The following ATF1 variants were observed in gnomAD, a reference collection of about 807,000 sequenced individuals.
The protein encoded by ATF1 is cyclic AMP-dependent transcription factor ATF-1.
ATF1 carries 16 observed loss-of-function variants against 34.7 expected under a neutral mutation model. The observed-to-expected ratio is 0.46, with a 90% CI of 0.31 to 0.70. ATF1 has a LOEUF of 0.70. Among genes scored for constraint, ATF1 ranks in the 30% least tolerant of loss-of-function variants. The pLI, the probability that ATF1 is intolerant of heterozygous loss-of-function variation, is 0.05. For missense variants in ATF1, 255 were observed against 321.6 expected (o/e 0.79, Z 1.58); for synonymous variants, 105 against 113.1 (o/e 0.93, Z 0.46).
In ATF1 at chr12:50,809,502, G is replaced by A. The variant is rs1309612181; in HGVS notation, c.241G>A (p.Gly81Arg). 2 of 1,613,584 alleles carry A rather than the reference G, an allele frequency of 1.2e-6. No individual in the cohort carries two copies. Among genetic ancestry groups the A allele is most frequent in the Non-Finnish European group, 1.7e-6 (2 of 1,179,678 alleles). ...TTCTGAAGATACACGGGGCAGAAAA[G>A]GAGACGGAGAAAATTCTGGAGTTTC... ...LSSEDTRGRK[G>R]DGENSGVSAA... The change falls in exon 4 of 7, where the codon GGA (glycine) becomes AGA (arginine). Residue 81 changes from glycine to arginine, a missense_variant. Coordinates refer to ENST00000262053, the MANE Select transcript of ATF1 (RefSeq NM_005171.5).
At chr12:50,803,137 C>T (rs1159827377) in intron 3 of ATF1, among the ~76,000 whole-genome samples, 13 of 151,356 alleles carry the variant, frequency 8.6e-5, no homozygotes, top group Non-Finnish European at 1.5e-4. Context: ...GGCATGGTGG[C>T]GGGCACTTGT....
chr12:50,793,539 A>G (rs1287390731), intron 2 of ATF1, among the ~76,000 whole-genome samples: 1 of 151,892 alleles, frequency 6.6e-6, no homozygotes, highest in Non-Finnish European at 1.5e-5. Context: ...AGGCTGAGGC[A>G]GGAGAATCGC....
chr12:50,806,346 T>C, intron 3 of ATF1: 2 of 494,372 alleles, frequency 4.0e-6, no homozygotes, highest in Non-Finnish European at 8.3e-6. Flanking sequence ...TTGGCTGTCA[T>C]TGACACCAGA....
At chr12:50,802,292 G>A (rs542643431) in intron 3 of ATF1, among the ~76,000 whole-genome samples, 22 of 152,274 alleles carry the variant, frequency 1.4e-4, no homozygotes, top group African/African-American at 5.3e-4. Flanking sequence ...TTGGGAGGCC[G>A]AGGCAGGCGA....
At chr12:50,799,346 T>C (rs776458074) in intron 3 of ATF1, among the ~76,000 whole-genome samples, 1 of 152,166 alleles carries the variant, frequency 6.6e-6, no homozygotes, top group Non-Finnish European at 1.5e-5. Flanking sequence ...GATTGTGCCA[T>C]GCACTCCAAC....
chr12:50,814,175 A>C lies in ATF1; in HGVS notation c.494A>C (p.Asn165Thr). The stretch of plus-strand genomic sequence containing the variant: ...GGACAGCAGATACTTGTGCCCAGCA[A>C]TCAGGTGGTCGTACAAAGTAAGTAT... ...SDGQQILVPS[N>T]QVVVQTASGD... is the part of the protein sequence containing the mutation. Residue 165 changes from asparagine to threonine, a missense_variant, in exon 5 of 7, where the codon AAT becomes ACT. By Grantham distance (65) the Asn-to-Thr change is moderately conservative (BLOSUM62 0). Transcript: ENST00000262053. The C allele has an allele frequency of 6.2e-7, 1 of 1,614,104 alleles. No homozygotes were observed. The highest frequency in any genetic ancestry group is 8.5e-7 in the Non-Finnish European group (1 of 1,179,960).
chr12:50,775,809 T>C (rs1218906841), intron 1 of ATF1, among the ~76,000 whole-genome samples: 2 of 152,188 alleles, frequency 1.3e-5, no homozygotes, highest in Admixed American at 6.5e-5. Context: ...TTAAAAGGTA[T>C]TTTTAGTAGA....
intron 3 of ATF1, among the ~76,000 whole-genome samples, chr12:50,797,944 G>A (rs11169563): frequency 0.35 from 52,907 of 151,748 alleles, 9,448 homozygotes; most frequent in Non-Finnish European, 0.39. Flanking sequence ...TTGGGAGGCC[G>A]AGGCGGGTGG....
rs1592173152 is a variant in ATF1 at position 50,780,132 on chromosome 12, C to T, written c.-6-8C>T. ...TTTAATTTTAACGGACTTTTTTCCC[C>T]CTTATAGTTGATTATGGAAGATTCC... On this transcript the variant is annotated splice_polypyrimidine_tract_variant and splice_region_variant and intron_variant, in intron 1 of 6. Transcript: ENST00000262053. The T allele has an allele frequency of 3.1e-6, 5 of 1,591,306 alleles. No homozygotes were observed. Among genetic ancestry groups the T allele is most frequent in the Non-Finnish European group, 4.3e-6 (5 of 1,160,692 alleles).
chr12:50,789,013 C>G (rs1472814043), intron 2 of ATF1, among the ~76,000 whole-genome samples: 2 of 151,982 alleles, frequency 1.3e-5, no homozygotes, highest in African/African-American at 4.8e-5. Context: ...TTCATTCAGG[C>G]ATGCGTTACA....
chr12:50,785,413 T>G (rs542713867), intron 2 of ATF1, among the ~76,000 whole-genome samples: 2 of 152,064 alleles, frequency 1.3e-5, no homozygotes, highest in South Asian at 4.2e-4. Context: ...TTTGGGGGAA[T>G]GTTGGCAATC....
intron 2 of ATF1, among the ~76,000 whole-genome samples, chr12:50,786,583 T>A (rs1260089321): frequency 1.3e-5 from 2 of 152,014 alleles, no homozygotes; most frequent in Non-Finnish European, 2.9e-5. Flanking sequence ...CTTTTTTTCC[T>A]TTGGAAAAAA....
chr12:50,819,836 G>A lies in ATF1; in HGVS notation c.*57G>A, dbSNP rs1941913611. The stretch of plus-strand genomic sequence containing the variant: ...GCATAAAAATTAAATGGATTTCCTA[G>A]TGGAGTTTTATAAATTAAAAGGTCA... On this transcript the variant is annotated 3_prime_UTR_variant, in exon 7 of 7. Coordinates refer to ENST00000262053, the MANE Select transcript of ATF1 (RefSeq NM_005171.5). 1 of 1,378,120 alleles carries A rather than the reference G, an allele frequency of 7.3e-7. No homozygotes were observed. Among genetic ancestry groups the A allele is most frequent in the Non-Finnish European group, 9.9e-7 (1 of 1,007,568 alleles). The allele number at this position is 1,378,120 out of a possible 1,614,324, so 85.4% of individuals were successfully genotyped here. A position where few individuals can be genotyped will look rare whatever the true frequency, so the allele number is the denominator to read the frequency against.
rs1941725833 is a variant in ATF1, at chr12:50,811,046, A to G, written c.328+1457A>G. ...TCTCCTGCCACTTGGTGGCATTCTG[A>G]CCACCCCAGACTTCCTTACTGTACC... On this transcript the variant is annotated intron_variant, in intron 4 of 6. Transcript: ENST00000262053. Among the ~76,000 whole-genome samples, 3 of 152,060 alleles carry G rather than the reference A, an allele frequency of 2.0e-5. No individual in the cohort carries two copies. In the South Asian group the frequency reaches 6.2e-4, roughly 32 times the overall value.
In ATF1 at chr12:50,819,866, T is replaced by G; in HGVS notation, c.*87T>G. On this transcript the variant is annotated 3_prime_UTR_variant, in exon 7 of 7. Coordinates refer to ENST00000262053, the MANE Select transcript of ATF1 (RefSeq NM_005171.5). ...GTTTTATAAATTAAAAGGTCAAAACTGAAGCTTTTTATTTAGGCTTTTCCA... is the reference window on the plus strand; with the variant it reads ...GTTTTATAAATTAAAAGGTCAAAACGGAAGCTTTTTATTTAGGCTTTTCCA... 1 of 1,145,620 alleles carries G rather than the reference T, an allele frequency of 8.7e-7. No homozygotes were observed. 71.0% of individuals were successfully genotyped at this position (1,145,620 alleles called of 1,614,324 possible). A position where few individuals can be genotyped will look rare whatever the true frequency, so the allele number is the denominator to read the frequency against.
intron 1 of ATF1, among the ~76,000 whole-genome samples, chr12:50,769,254 C>T (rs1052356497): frequency 6.6e-6 from 1 of 152,132 alleles, no homozygotes; most frequent in Non-Finnish European, 1.5e-5. Flanking sequence ...CCTGTAATCC[C>T]AGCACTTAGG....
intron 4 of ATF1, among the ~76,000 whole-genome samples, chr12:50,813,262 G>T (rs1389179823): frequency 2.0e-5 from 3 of 152,098 alleles, no homozygotes; most frequent in Non-Finnish European, 4.4e-5. Flanking sequence ...TAAATGAATA[G>T]ATTACATTTC....
chr12:50,798,866 G>T (rs1337190773), intron 3 of ATF1, among the ~76,000 whole-genome samples: 2 of 152,186 alleles, frequency 1.3e-5, no homozygotes, highest in Non-Finnish European at 2.9e-5. Context: ...TACCAAAAAT[G>T]AATAAAAATG....
At chr12:50,769,282 A>G (rs1940714230) in intron 1 of ATF1, among the ~76,000 whole-genome samples, 1 of 152,186 alleles carries the variant, frequency 6.6e-6, no homozygotes, top group Non-Finnish European at 1.5e-5. Context: ...AGGCAGATGG[A>G]TCACCTGAGG....
Sources: gnomAD v4.1 joint callset for allele counts (sites outside exome capture counted in the v4.1 genomes callset) on GRCh38, gnomAD v4.1.1 for gene constraint, MANE v1.5 for transcripts, NCBI Gene and HGNC (gene_info 2026-07-23, HGNC 2026-07-21) for gene names.